AGBL4: variants seen among roughly 807,000 people sequenced by gnomAD.
AGBL4 encodes cytosolic carboxypeptidase 6.
Under a neutral mutation model 66.4 loss-of-function variants are expected in AGBL4, and 58 were observed. That is an observed-to-expected ratio of 0.87 (90% CI 0.71 to 1.09). The LOEUF (loss-of-function observed/expected upper bound fraction) is 1.09. Among genes scored for constraint, AGBL4 ranks in the 50% least tolerant of loss-of-function variants. AGBL4 has a pLI of 0.00. For missense variants in AGBL4, 579 were observed against 631.0 expected, an observed-to-expected ratio of 0.92 and a Z score of 0.88; for synonymous variants, 234 against 222.9, an observed-to-expected ratio of 1.05 and a Z score of -0.44.
chr1:49,337,981 A>G (rs1645470354), intron 3 of AGBL4, among the ~76,000 whole-genome samples: 1 of 151,868 alleles, frequency 6.6e-6, no homozygotes, highest in Non-Finnish European at 1.5e-5. Context: ...GATGGGAAGG[A>G]GGAGAAAACA....
chr1:48,816,781 G>C (rs1646189092), intron 6 of AGBL4, among the ~76,000 whole-genome samples: 1 of 152,164 alleles, frequency 6.6e-6, no homozygotes, highest in South Asian at 2.1e-4. Flanking sequence ...ATATGGTTCT[G>C]TCTGTAAAGC....
At chr1:49,431,671 A>T (rs1645789938) in intron 3 of AGBL4, among the ~76,000 whole-genome samples, 1 of 152,182 alleles carries the variant, frequency 6.6e-6, no homozygotes. Flanking sequence ...AATATGACCC[A>T]CTAATTCCTA....
intron 6 of AGBL4, among the ~76,000 whole-genome samples, chr1:48,807,846 G>C (rs965634467): frequency 2.6e-5 from 4 of 151,816 alleles, no homozygotes. Flanking sequence ...ATTGTTCTGG[G>C]CCAAGGAACT....
chr1:49,406,926 G>A (rs763459230), intron 3 of AGBL4, among the ~76,000 whole-genome samples: 7 of 151,746 alleles, frequency 4.6e-5, no homozygotes, highest in Non-Finnish European at 8.8e-5. Context: ...TTAGCCAGGC[G>A]TGGTGGCGGG....
chr1:49,880,056 A>C (rs939933863), intron 1 of AGBL4, among the ~76,000 whole-genome samples: 1 of 151,388 alleles, frequency 6.6e-6, no homozygotes, highest in African/African-American at 2.4e-5. Context: ...CTAGTTATAC[A>C]TTCCTCTAAA....
chr1:48,767,527 G>A (rs1644590113), intron 6 of AGBL4, among the ~76,000 whole-genome samples: 1 of 152,186 alleles, frequency 6.6e-6, no homozygotes, highest in Non-Finnish European at 1.5e-5. Context: ...ACAAGAAGCT[G>A]TAACTCTTGA....
intron 3 of AGBL4, among the ~76,000 whole-genome samples, chr1:49,556,133 T>C (rs893236174): frequency 1.3e-5 from 2 of 152,164 alleles, no homozygotes; most frequent in African/African-American, 2.4e-5. Flanking sequence ...CCAACCCAAA[T>C]GTCCAACAAT....
chr1:49,407,551 A>G (rs1645230806), intron 3 of AGBL4, among the ~76,000 whole-genome samples: 1 of 152,228 alleles, frequency 6.6e-6, no homozygotes, highest in Non-Finnish European at 1.5e-5. Flanking sequence ...AACCTTGACT[A>G]ATAGCTATAC....
chr1:49,285,322 C>G (rs1347907264), intron 3 of AGBL4, among the ~76,000 whole-genome samples: 2 of 152,030 alleles, frequency 1.3e-5, no homozygotes, highest in South Asian at 2.1e-4. Flanking sequence ...TTGAAACCAA[C>G]GAGAACAAAG....
chr1:48,630,217 G>A (rs914354844), intron 9 of AGBL4, among the ~76,000 whole-genome samples: 1 of 152,204 alleles, frequency 6.6e-6, no homozygotes, highest in Non-Finnish European at 1.5e-5. Flanking sequence ...TCCCCAAGAG[G>A]GGTAAGATTT....
chr1:49,880,175 T>C (rs1298196821), intron 1 of AGBL4, among the ~76,000 whole-genome samples: 1 of 151,906 alleles, frequency 6.6e-6, no homozygotes, highest in African/African-American at 2.4e-5. Flanking sequence ...AAAATCATTC[T>C]CCATCCAGCT....
Position 49,126,561 on chromosome 1 carries a change from T to G in AGBL4, c.378-80761A>C, listed in dbSNP as rs145130128. 1.1e-4 allele frequency among the ~76,000 whole-genome samples: 16 copies of G among 152,268 alleles called. No individual in the cohort carries two copies. In the East Asian group the frequency reaches 3.1e-3, roughly 29 times the overall value. On this transcript the variant is annotated intron_variant, in intron 4 of 13. Coordinates refer to ENST00000371839, the MANE Select transcript of AGBL4 (RefSeq NM_032785.4). ...CCCAAAGAACTATTATAAATAGGCATGATAAGGAAAAATTGAAGTTTAAGC... is the reference window on the plus strand; with the variant it reads ...CCCAAAGAACTATTATAAATAGGCAGGATAAGGAAAAATTGAAGTTTAAGC...
intron 2 of AGBL4, among the ~76,000 whole-genome samples, chr1:49,791,181 T>A (rs1042426457): frequency 4.6e-5 from 7 of 152,114 alleles, no homozygotes; most frequent in Non-Finnish European, 7.4e-5. Flanking sequence ...GCATGCATAT[T>A]GTTAGCCCTA....
chr1:49,400,826 T>C (rs1375201873), intron 3 of AGBL4, among the ~76,000 whole-genome samples: 1 of 152,162 alleles, frequency 6.6e-6, no homozygotes, highest in Non-Finnish European at 1.5e-5. Flanking sequence ...ATAATTTGAC[T>C]TCTTCCTTTC....
chr1:48,745,859 C>T (rs1453381916), intron 6 of AGBL4, among the ~76,000 whole-genome samples: 2 of 152,114 alleles, frequency 1.3e-5, no homozygotes, highest in East Asian at 3.9e-4. Context: ...TCTCCCCACC[C>T]CTCTGCCCCT....
chr1:49,451,037 G>GA lies in AGBL4; in HGVS notation c.283-205174dup, dbSNP rs533355240. 7.8e-4 allele frequency among the ~76,000 whole-genome samples: 118 copies of GA among 151,964 alleles called. 3 individuals are homozygous for GA. In the South Asian group the frequency reaches 0.023, roughly 29 times the overall value. ...ATCAGCTGGGCTGGAGGCTCTAGAA[G>GA]AAAAAAAATTCTGCTTCCAAGCACA... is the stretch of plus-strand genomic sequence containing the variant. On this transcript the variant is annotated intron_variant, in intron 3 of 13. Transcript: ENST00000371839.
chr1:48,808,353 G>A (rs1399414598), intron 6 of AGBL4, among the ~76,000 whole-genome samples: 1 of 152,164 alleles, frequency 6.6e-6, no homozygotes, highest in Admixed American at 6.5e-5. Context: ...CTGCAAGATA[G>A]ATATTAGTAC....
At chr1:49,843,383 C>G (rs1646051389) in intron 2 of AGBL4, among the ~76,000 whole-genome samples, 1 of 152,110 alleles carries the variant, frequency 6.6e-6, no homozygotes, top group Non-Finnish European at 1.5e-5. Flanking sequence ...AGGCAGTCCT[C>G]CTGCCATGGC....
intron 4 of AGBL4, among the ~76,000 whole-genome samples, chr1:49,140,261 C>T (rs1287036404): frequency 5.9e-5 from 9 of 152,190 alleles, no homozygotes; most frequent in Admixed American, 2.6e-4. Flanking sequence ...CATTTTCTAG[C>T]TGACTCTCAA....
Sources: gnomAD v4.1 joint callset for allele counts (sites outside exome capture counted in the v4.1 genomes callset) on GRCh38, gnomAD v4.1.1 for gene constraint, MANE v1.5 for transcripts, NCBI Gene and HGNC (gene_info 2026-07-23, HGNC 2026-07-21) for gene names.